RSBN1: variants seen among roughly 807,000 people sequenced by gnomAD.
RSBN1 encodes lysine-specific demethylase 9.
RSBN1 carries 23 observed loss-of-function variants against 74.8 expected under a neutral mutation model. That is an observed-to-expected ratio of 0.31 (90% confidence interval 0.22 to 0.44). The LOEUF (loss-of-function observed/expected upper bound fraction) is 0.44. Among genes scored for constraint, RSBN1 ranks in the 20% least tolerant of loss-of-function variants. The probability of loss-of-function intolerance (pLI) is 1.00; values close to 1 mark genes in which losing one functional copy is unlikely to be tolerated. For missense variants in RSBN1, 808 were observed against 1,020.9 expected (o/e 0.79, Z 2.84); for synonymous variants, 407 against 379.6 (o/e 1.07, Z -0.84).
chr1:113,803,010 A>G (rs1660617608), intron 1 of RSBN1, among the ~76,000 whole-genome samples: 1 of 152,012 alleles, frequency 6.6e-6, no homozygotes, highest in South Asian at 2.1e-4. Context: ...TATTCATGCA[A>G]CCCTCTCTAA....
At chr1:113,804,873 A>G (rs1031881977) in intron 1 of RSBN1, among the ~76,000 whole-genome samples, 1 of 149,816 alleles carries the variant, frequency 6.7e-6, no homozygotes, top group African/African-American at 2.5e-5. Flanking sequence ...GAACACTTAC[A>G]CTCGGTGATA....
chr1:113,795,230 G>T (rs1045791321), intron 2 of RSBN1, among the ~76,000 whole-genome samples: 2 of 152,160 alleles, frequency 1.3e-5, no homozygotes, highest in African/African-American at 4.8e-5. Context: ...GGTGGCCTGG[G>T]TTTGCATCTG....
At chr1:113,810,198 T>C (rs1660800330) in intron 1 of RSBN1, among the ~76,000 whole-genome samples, 1 of 152,236 alleles carries the variant, frequency 6.6e-6, no homozygotes, top group Non-Finnish European at 1.5e-5. Context: ...TTCAGGAGCC[T>C]GGGTTCTACT....
In RSBN1 at chr1:113,763,680, G is replaced by T. The variant is rs1659728304; in HGVS notation, c.*2300C>A. The T allele has an allele frequency of 6.5e-6, 1 of 152,708 alleles. No individual in the cohort carries two copies. 9.5% of individuals were successfully genotyped at this position (152,708 alleles called of 1,614,324 possible). A position where few individuals can be genotyped will look rare whatever the true frequency, so the allele number is the denominator to read the frequency against. On this transcript the variant is annotated 3_prime_UTR_variant, in exon 7 of 7. Coordinates refer to ENST00000261441, the MANE Select transcript of RSBN1 (RefSeq NM_018364.5). ...ACATACAATGAATTTATTAGTACAT[G>T]ATTTTAAACATTTTTATTGTACTCT... is the stretch of plus-strand genomic sequence containing the variant.
intron 2 of RSBN1, among the ~76,000 whole-genome samples, chr1:113,780,103 C>T (rs1042193598): frequency 6.6e-6 from 1 of 152,048 alleles, no homozygotes; most frequent in African/African-American, 2.4e-5. Context: ...CTAAGAAAGG[C>T]TTTCTCTCTA....
chr1:113,796,846 T>C (rs918917340), intron 2 of RSBN1, among the ~76,000 whole-genome samples: 1 of 152,210 alleles, frequency 6.6e-6, no homozygotes, highest in Admixed American at 6.5e-5. Context: ...CAACAATGTA[T>C]AGGCAGAAGG....
At chr1:113,806,320 G>A (rs34341173) in intron 1 of RSBN1, among the ~76,000 whole-genome samples, 32,694 of 149,378 alleles carry the variant, frequency 0.22, 4,430 homozygotes, top group South Asian at 0.38. Context: ...GGCACAGAGC[G>A]AGACTCTGTC....
Position 113,798,011 on chromosome 1 carries a change from G to C in RSBN1, c.729C>G (p.Thr243=). ...KRETPDENGK[T]QRADDFVLKK... is the part of the protein sequence containing the mutation. ...TCAAGACAAAATCATCGGCTCTCTG[G>C]GTTTTACCATTTTCATCTGGTGTTT... The change falls in exon 2 of 7, where the codon ACC becomes ACG. Residue 243 remains threonine, a synonymous_variant. Transcript: ENST00000261441. 2.5e-6 allele frequency: 4 copies of C among 1,602,504 alleles called. No individual in the cohort carries two copies. The highest frequency in any genetic ancestry group is 3.4e-6 in the Non-Finnish European group (4 of 1,176,260).
intron 2 of RSBN1, among the ~76,000 whole-genome samples, chr1:113,787,274 G>T (rs529594043): frequency 1.3e-5 from 2 of 152,188 alleles, no homozygotes; most frequent in South Asian, 4.1e-4. Flanking sequence ...TCTATTCCTT[G>T]TCAAAATCCC....
intron 1 of RSBN1, among the ~76,000 whole-genome samples, chr1:113,810,081 A>T (rs1392653171): frequency 2.0e-5 from 3 of 152,222 alleles, no homozygotes; most frequent in Non-Finnish European, 4.4e-5. Flanking sequence ...ATATAAAGCC[A>T]CTGTAATGTC....
chr1:113,805,574 T>C (rs1025982450), intron 1 of RSBN1, among the ~76,000 whole-genome samples: 1 of 152,150 alleles, frequency 6.6e-6, no homozygotes, highest in Non-Finnish European at 1.5e-5. Flanking sequence ...GGGAAAAAAA[T>C]TGAGTTCTGT....
chr1:113,778,687 C>G (rs1264838984), intron 2 of RSBN1, among the ~76,000 whole-genome samples: 1 of 152,174 alleles, frequency 6.6e-6, no homozygotes, highest in Admixed American at 6.5e-5. Context: ...GGAATGTCCT[C>G]TTTTCTGTCA....
chr1:113,789,506 T>G (rs1049297957), intron 2 of RSBN1, among the ~76,000 whole-genome samples: 4 of 152,184 alleles, frequency 2.6e-5, no homozygotes, highest in Non-Finnish European at 4.4e-5. Flanking sequence ...TCTGAGCTAC[T>G]CTAGCAAATC....
intron 4 of RSBN1, among the ~76,000 whole-genome samples, chr1:113,774,391 C>T (rs1164835485): frequency 6.6e-6 from 1 of 151,738 alleles, no homozygotes; most frequent in Admixed American, 6.6e-5. Flanking sequence ...AAAAAAACAA[C>T]AGGCCAGGCA....
Position 113,762,559 on chromosome 1 carries a change from T to C in RSBN1, c.*3421A>G, listed in dbSNP as rs1659698823. 1.3e-5 allele frequency: 2 copies of C among 152,718 alleles called. No individual in the cohort carries two copies. The highest frequency in any genetic ancestry group is 4.8e-5 in the African/African-American group (2 of 41,440). 9.5% of individuals were successfully genotyped at this position (152,718 alleles called of 1,614,324 possible). A position where few individuals can be genotyped will look rare whatever the true frequency, so the allele number is the denominator to read the frequency against. ...AACCTGTAGCAATGATAAAACAGATTAGAAAGATACAAAATTATCCTAAAG... is the reference window on the plus strand; with the variant it reads ...AACCTGTAGCAATGATAAAACAGATCAGAAAGATACAAAATTATCCTAAAG... On this transcript the variant is annotated 3_prime_UTR_variant, in exon 7 of 7. Transcript: ENST00000261441.
chr1:113,809,057 AAAAC>A, intron 1 of RSBN1, among the ~76,000 whole-genome samples: 1 of 152,278 alleles, frequency 6.6e-6, no homozygotes, highest in African/African-American at 2.4e-5. Context: ...CTAAAAAAAA[AAAAC>A]AGTTAAAATA....
At position 113,811,796 on chromosome 1, in the gene RSBN1, G is replaced by A. The variant is rs751265691; in HGVS notation, c.617C>T (p.Ser206Phe). The A allele has an allele frequency of 1.2e-6, 2 of 1,613,820 alleles. No individual in the cohort carries two copies. Among genetic ancestry groups the A allele is most frequent in the South Asian group, 2.2e-5 (2 of 91,070 alleles). ...HHRGPDGDPS[S>F]CGTDLKHKDK... is the part of the protein sequence containing the mutation. Reference sequence around the variant, plus strand: ...CTTGTGCTTGAGATCGGTTCCGCAGGAGCTGGGATCACCATCGGGGCCGCG... The same window carrying A: ...CTTGTGCTTGAGATCGGTTCCGCAGAAGCTGGGATCACCATCGGGGCCGCG... Residue 206 changes from serine to phenylalanine, a missense_variant, in exon 1 of 7, where the codon TCC (serine) becomes TTC (phenylalanine). Around this residue, in one of 6 missense-constraint regions of RSBN1, gnomAD observed 464 missense variants for 401.0 expected, o/e 1.16. Transcript: ENST00000261441.
chr1:113,788,139 A>G (rs1410223298), intron 2 of RSBN1, among the ~76,000 whole-genome samples: 2 of 152,156 alleles, frequency 1.3e-5, no homozygotes, highest in East Asian at 3.8e-4. Flanking sequence ...GCTGACATTA[A>G]TCAACATTAA....
At chr1:113,802,896 T>TTGTA (rs1660614161) in intron 1 of RSBN1, among the ~76,000 whole-genome samples, 2 of 152,306 alleles carry the variant, frequency 1.3e-5, no homozygotes, top group Non-Finnish European at 2.9e-5. Context: ...TTCACTCTTG[T>TTGTA]TGTACATTCT....
Sources: allele counts gnomAD v4.1 joint callset (sites outside exome capture counted in the v4.1 genomes callset), GRCh38; gene constraint gnomAD v4.1.1; regional missense constraint gnomAD v4.1.1; transcripts MANE v1.5; gene names NCBI Gene and HGNC (gene_info 2026-07-23, HGNC 2026-07-21).